RNF130: variants seen among roughly 807,000 people sequenced by gnomAD.
RNF130 encodes the protein ring finger protein 130.
In RNF130, 21 loss-of-function variants were observed where a neutral mutation model predicts 44.6. The observed-to-expected ratio is 0.47, with a 90% confidence interval of 0.33 to 0.68. The LOEUF (loss-of-function observed/expected upper bound fraction) is 0.68. Among genes scored for constraint, RNF130 ranks in the 30% least tolerant of loss-of-function variants. RNF130 has a pLI of 0.02. For missense variants in RNF130, 479 were observed against 560.6 expected, an observed-to-expected ratio of 0.85 and a Z score of 1.47; for synonymous variants, 214 against 210.4, an observed-to-expected ratio of 1.02 and a Z score of -0.15.
At chr5:180,041,998 G>A (rs768871935) in intron 1 of RNF130, among the ~76,000 whole-genome samples, 3 of 152,114 alleles carry the variant, frequency 2.0e-5, no homozygotes, top group Non-Finnish European at 2.9e-5. Context: ...AGCCATGATC[G>A]CACCACTGAA....
chr5:180,047,692 C>A (rs891207617), intron 1 of RNF130, among the ~76,000 whole-genome samples: 1 of 151,984 alleles, frequency 6.6e-6, no homozygotes, highest in African/African-American at 2.4e-5. Flanking sequence ...TGCAGTGAGC[C>A]GAGATTGCAC....
intron 2 of RNF130, among the ~76,000 whole-genome samples, chr5:180,018,115 C>T (rs1278601672): frequency 2.6e-5 from 4 of 151,870 alleles, no homozygotes; most frequent in Admixed American, 1.3e-4. Flanking sequence ...GCCAATATGG[C>T]GAAACCCCAT....
intron 1 of RNF130, among the ~76,000 whole-genome samples, chr5:180,064,224 A>G (rs1318798026): frequency 6.6e-6 from 1 of 152,228 alleles, no homozygotes; most frequent in Admixed American, 6.5e-5. Context: ...CAAATTCCAC[A>G]GCATGTCACT....
At chr5:179,924,901 C>G (rs1243218716) in intron 7 of RNF130, among the ~76,000 whole-genome samples, 3 of 152,156 alleles carry the variant, frequency 2.0e-5, no homozygotes, top group Admixed American at 6.5e-5. Flanking sequence ...TGAGCTATTT[C>G]ATTTCTGACA....
At chr5:180,009,489 A>G (rs1377308793) in intron 3 of RNF130, among the ~76,000 whole-genome samples, 3 of 152,226 alleles carry the variant, frequency 2.0e-5, no homozygotes, top group Non-Finnish European at 4.4e-5. Flanking sequence ...CAAGCACATA[A>G]AAAATGTCTA....
intron 1 of RNF130, among the ~76,000 whole-genome samples, chr5:180,046,044 G>C (rs71613438): frequency 8.5e-5 from 13 of 152,092 alleles, no homozygotes; most frequent in Non-Finnish European, 1.8e-4. Flanking sequence ...GTGGACGGAG[G>C]GGGGTGGGGC....
At chr5:179,954,711 T>C (rs1762176174), downstream of RNF130, among the ~76,000 whole-genome samples, 1 of 152,236 alleles carries the variant, frequency 6.6e-6, no homozygotes, top group African/African-American at 2.4e-5. Flanking sequence ...TTATAGCATG[T>C]GAATTACATT....
intron 1 of RNF130, among the ~76,000 whole-genome samples, chr5:180,065,224 A>T (rs891059358): frequency 6.6e-6 from 1 of 151,978 alleles, no homozygotes; most frequent in Non-Finnish European, 1.5e-5. Flanking sequence ...TTCATGGAAA[A>T]TTTTCCCCTT....
intron 8 of RNF130, among the ~76,000 whole-genome samples, chr5:179,961,951 T>C (rs1561670483): frequency 6.6e-6 from 1 of 152,232 alleles, no homozygotes; most frequent in South Asian, 2.1e-4. Flanking sequence ...AAGCATTTTA[T>C]AGGCTGATTC....
chr5:180,010,738 G>A (rs933717446), intron 3 of RNF130, among the ~76,000 whole-genome samples: 2 of 152,192 alleles, frequency 1.3e-5, no homozygotes, highest in Non-Finnish European at 2.9e-5. Context: ...ATTAGGGAAG[G>A]GGGAAGGAGG....
At position 180,054,042 on chromosome 5, in the gene RNF130, C is replaced by T. The variant is rs543582868; in HGVS notation, c.248-13395G>A. Among the ~76,000 whole-genome samples the T allele has an allele frequency of 2.6e-5, 4 of 152,156 alleles. No individual in the cohort carries two copies. The South Asian group carries it at 8.3e-4, about 32-fold the overall frequency. On this transcript the variant is annotated intron_variant, in intron 1 of 8. Transcript: ENST00000521389. ...ATGTTGGCCAGGATGGGCTCCATCTCTTGACCTCGTGATCTGCCCGCCTCG... is the reference window on the plus strand; with the variant it reads ...ATGTTGGCCAGGATGGGCTCCATCTTTTGACCTCGTGATCTGCCCGCCTCG...
chr5:179,981,898 A>T (rs1415102051), intron 3 of RNF130, among the ~76,000 whole-genome samples: 4 of 150,992 alleles, frequency 2.6e-5, no homozygotes, highest in African/African-American at 9.8e-5. Context: ...CTTAAAATAG[A>T]CTGCATATAT....
exon 8 of RNF130, chr5:179,912,412 T>C (rs1761479310): frequency 6.6e-6 from 1 of 152,244 alleles, no homozygotes; most frequent in African/African-American, 2.4e-5. Context: ...GTTTTCTTTT[T>C]AGACAGAGTT....
intron 8 of RNF130, among the ~76,000 whole-genome samples, chr5:179,961,427 C>T (rs769172866): frequency 2.6e-5 from 4 of 152,184 alleles, no homozygotes; most frequent in Non-Finnish European, 4.4e-5. Flanking sequence ...GACTTAGATT[C>T]TGAGTCATGC....
At chr5:179,946,320 G>A (rs937654144) in intron 7 of RNF130, among the ~76,000 whole-genome samples, 1 of 152,188 alleles carries the variant, frequency 6.6e-6, no homozygotes, top group Non-Finnish European at 1.5e-5. Flanking sequence ...GAGGAAAGAA[G>A]CCCCCACAGG....
intron 1 of RNF130, among the ~76,000 whole-genome samples, chr5:180,052,957 T>G (rs1035443311): frequency 1.3e-5 from 2 of 152,172 alleles, no homozygotes; most frequent in Non-Finnish European, 2.9e-5. Flanking sequence ...GTCTCAAGAT[T>G]GGCCTATAAT....
intron 3 of RNF130, among the ~76,000 whole-genome samples, chr5:180,001,004 T>G (rs1763321084): frequency 6.6e-6 from 1 of 152,182 alleles, no homozygotes; most frequent in Non-Finnish European, 1.5e-5. Context: ...TTCTTTCAAA[T>G]TTTCTAGAGT....
intron 1 of RNF130, among the ~76,000 whole-genome samples, chr5:180,054,651 G>A (rs1764765275): frequency 1.3e-5 from 2 of 152,176 alleles, no homozygotes; most frequent in Admixed American, 1.3e-4. Context: ...TTCAAATTGA[G>A]AAATGTGAAT....
intron 2 of RNF130, among the ~76,000 whole-genome samples, chr5:180,040,204 C>A (rs1399098556): frequency 6.6e-6 from 1 of 152,062 alleles, no homozygotes; most frequent in South Asian, 2.1e-4. Context: ...TGTAGAAATG[C>A]AAAACAACTA....
Sources: allele counts gnomAD v4.1 joint callset (sites outside exome capture counted in the v4.1 genomes callset), GRCh38; gene constraint gnomAD v4.1.1; transcripts MANE v1.5; gene names NCBI Gene and HGNC (gene_info 2026-07-23, HGNC 2026-07-21).